Variants in ARLN observed in about 807,000 individuals in gnomAD.
ARLN encodes the protein allregulin.
chr4:119,300,727 G>T, the ARLN span: 1 of 1,520,480 alleles, frequency 6.6e-7, no homozygotes, highest in Non-Finnish European at 8.8e-7. Flanking sequence ...CGCTGCCTCC[G>T]TGACCGCTGG....
chr4:119,300,940 G>T, the ARLN span: 1 of 815,580 alleles, frequency 1.2e-6, no homozygotes, highest in Non-Finnish European at 1.8e-6. Context: ...ATTCCGTTTG[G>T]ATCCTTATGC....
the ARLN span, chr4:119,301,030 G>A: frequency 1.2e-4 from 48 of 409,156 alleles, 1 homozygote; most frequent in South Asian, 2.5e-3. Context: ...CACCACCAAT[G>A]AGGTGGACGT....
At chr4:119,304,004 G>T in the ARLN span, among the ~76,000 whole-genome samples, 114 of 152,236 alleles carry the variant, frequency 7.5e-4, no homozygotes, top group African/African-American at 2.5e-3. Context: ...ACTCTACTCA[G>T]CCAACCTGGT....
At chr4:119,304,421 T>C in the ARLN span, 1 of 1,535,650 alleles carries the variant, frequency 6.5e-7, no homozygotes. Flanking sequence ...CTCCTATTAA[T>C]GGGGCTATTT....
the ARLN span, among the ~76,000 whole-genome samples, chr4:119,298,983 A>C: frequency 6.6e-6 from 1 of 152,172 alleles, no homozygotes; most frequent in African/African-American, 2.4e-5. Flanking sequence ...GTCTCTACCA[A>C]AACAGGGAGG....
At chr4:119,303,477 C>T in the ARLN span, among the ~76,000 whole-genome samples, 1,119 of 143,682 alleles carry the variant, frequency 7.8e-3, 11 homozygotes, top group African/African-American at 0.011. Flanking sequence ...TCAGGTGATC[C>T]GCCCGCCTCG....
the ARLN span, chr4:119,300,256 T>C: frequency 8.6e-7 from 1 of 1,158,222 alleles, no homozygotes; most frequent in Admixed American, 2.0e-5. Flanking sequence ...CTCTCTGGAA[T>C]TCAGTCCCCT....
the ARLN span, among the ~76,000 whole-genome samples, chr4:119,302,800 A>G: frequency 7.9e-5 from 12 of 152,324 alleles, no homozygotes; most frequent in Middle Eastern, 3.4e-3. Context: ...AAATGCTATA[A>G]CCATCAGGCC....
chr4:119,300,485 C>A, the ARLN span: 17 of 1,614,020 alleles, frequency 1.1e-5, no homozygotes, highest in Non-Finnish European at 1.4e-5. Flanking sequence ...TAAAGCCTCG[C>A]CGCTCCCGGA....
At chr4:119,300,692 C>T in the ARLN span, 22 of 1,532,520 alleles carry the variant, frequency 1.4e-5, no homozygotes, top group African/African-American at 2.5e-4. Flanking sequence ...CTCTTCCCAG[C>T]GCGCAGGCGC....
the ARLN span, chr4:119,300,219 A>G: frequency 1.2e-6 from 1 of 833,484 alleles, no homozygotes. Flanking sequence ...GCCACTCACC[A>G]GCTGTGTGAT....
At chr4:119,301,550 C>T in the ARLN span, among the ~76,000 whole-genome samples, 3 of 152,068 alleles carry the variant, frequency 2.0e-5, no homozygotes, top group African/African-American at 4.8e-5. Context: ...CTCGTGGGTC[C>T]AATTTCAAAT....
chr4:119,300,782 C>T, the ARLN span: 1 of 1,452,524 alleles, frequency 6.9e-7, no homozygotes, highest in African/African-American at 1.4e-5. Flanking sequence ...ATGGGCCCGC[C>T]TACTTCTGCC....
At chr4:119,303,662 T>C in the ARLN span, among the ~76,000 whole-genome samples, 8 of 152,218 alleles carry the variant, frequency 5.3e-5, no homozygotes, top group Non-Finnish European at 8.8e-5. Flanking sequence ...GGTGGGTGGA[T>C]TGCTTGAGCC....
At chr4:119,301,179 G>A in the ARLN span, among the ~76,000 whole-genome samples, 6 of 150,484 alleles carry the variant, frequency 4.0e-5, no homozygotes, top group Non-Finnish European at 8.9e-5. Context: ...CGAGGCGGGC[G>A]GATCACCTGA....
chr4:119,301,326 A>G, the ARLN span, among the ~76,000 whole-genome samples: 1 of 150,498 alleles, frequency 6.6e-6, no homozygotes, highest in African/African-American at 2.4e-5. Flanking sequence ...CGGGAGGCTG[A>G]GGCAGGAGAA....
At chr4:119,303,427 G>A in the ARLN span, among the ~76,000 whole-genome samples, 2 of 151,940 alleles carry the variant, frequency 1.3e-5, no homozygotes, top group Non-Finnish European at 2.9e-5. Flanking sequence ...TAGAGACAGA[G>A]TTTCGCCATG....
chr4:119,300,611 G>T, the ARLN span: 12 of 1,605,278 alleles, frequency 7.5e-6, no homozygotes, highest in African/African-American at 1.6e-4. Context: ...TCGCCGCACC[G>T]GAAACTGAGC....
chr4:119,296,953 G>A, the ARLN span: 2 of 152,290 alleles, frequency 1.3e-5, no homozygotes, highest in African/African-American at 2.4e-5. Context: ...GATTATGATC[G>A]GAAGTCTGTG....
Sources: allele counts gnomAD v4.1 joint callset (sites outside exome capture counted in the v4.1 genomes callset), GRCh38; gene constraint gnomAD v4.1.1; transcripts MANE v1.5; gene names NCBI Gene and HGNC (gene_info 2026-07-23, HGNC 2026-07-21).